The following RAB28 variants were observed in gnomAD, a reference collection of about 807,000 sequenced individuals.
The protein encoded by RAB28 is ras-related protein Rab-28.
A neutral mutation model predicts 31.7 loss-of-function variants in RAB28; 24 were observed. The ratio of observed to expected loss-of-function variants is 0.76; its 90% CI spans 0.55 to 1.06. The LOEUF (loss-of-function observed/expected upper bound fraction) is 1.06. Ranked by LOEUF, RAB28 falls within the 50% of genes least tolerant of loss-of-function variation. The probability of loss-of-function intolerance (pLI) is 0.00; values close to 1 mark genes in which losing one functional copy is unlikely to be tolerated. For missense variants in RAB28, 254 were observed against 258.5 expected (o/e 0.98, Z 0.12); for synonymous variants, 100 against 90.4 (o/e 1.11, Z -0.60).
chr4:13,465,310 G>C (rs1021815897), intron 3 of RAB28, among the ~76,000 whole-genome samples: 1 of 151,122 alleles, frequency 6.6e-6, no homozygotes, highest in Non-Finnish European at 1.5e-5. Flanking sequence ...ACACCAATTT[G>C]GATAAATACC....
chr4:13,417,388 G>C (rs529979491), intron 4 of RAB28, among the ~76,000 whole-genome samples: 6 of 152,190 alleles, frequency 3.9e-5, no homozygotes, highest in Admixed American at 1.3e-4. Context: ...AGAGGGCAGT[G>C]GTTTTCCCAG....
At chr4:13,388,936 T>C (rs111904085) in intron 4 of RAB28, among the ~76,000 whole-genome samples, 3 of 152,088 alleles carry the variant, frequency 2.0e-5, no homozygotes, top group African/African-American at 7.2e-5. Context: ...GATCCAGTAA[T>C]CCAACTTCTG....
intron 4 of RAB28, among the ~76,000 whole-genome samples, chr4:13,407,457 T>C (rs1712165948): frequency 6.6e-6 from 1 of 152,224 alleles, no homozygotes; most frequent in Admixed American, 6.5e-5. Flanking sequence ...TCCAGCTTTG[T>C]TCTGTTTGCT....
At chr4:13,479,406 C>T (rs531189723) in intron 2 of RAB28, 24 bp downstream of exon 2, 8 of 1,509,346 alleles carry the variant, frequency 5.3e-6, no homozygotes, top group East Asian at 2.3e-5. Flanking sequence ...TAATCTTCTA[C>T]GTTAAGACTT....
chr4:13,373,638 C>A (rs1489230443), intron 6 of RAB28, among the ~76,000 whole-genome samples: 1 of 152,138 alleles, frequency 6.6e-6, no homozygotes. Context: ...GCAAAGCTTG[C>A]AAAGTGTGTT....
intron 4 of RAB28, among the ~76,000 whole-genome samples, chr4:13,384,711 C>T (rs188543116): frequency 3.3e-5 from 5 of 152,216 alleles, no homozygotes; most frequent in African/African-American, 9.6e-5. Flanking sequence ...GAAAAAAAGT[C>T]CAAAGATCAG....
chr4:13,469,589 G>A, intron 3 of RAB28, among the ~76,000 whole-genome samples: 1 of 151,970 alleles, frequency 6.6e-6, no homozygotes. Flanking sequence ...ATTATATAAT[G>A]TTAGTTTATA....
intron 4 of RAB28, among the ~76,000 whole-genome samples, chr4:13,416,496 C>T (rs1577191971): frequency 2.0e-5 from 3 of 152,226 alleles, no homozygotes; most frequent in South Asian, 4.1e-4. Flanking sequence ...GTATGTTTAA[C>T]AACATAGCCA....
chr4:13,398,411 G>C (rs918452767), intron 4 of RAB28, among the ~76,000 whole-genome samples: 3 of 151,998 alleles, frequency 2.0e-5, no homozygotes, highest in African/African-American at 7.2e-5. Flanking sequence ...ACATAGAATT[G>C]CATAAAAAAA....
intron 4 of RAB28, among the ~76,000 whole-genome samples, chr4:13,437,828 C>T (rs1038592663): frequency 3.3e-5 from 5 of 151,562 alleles, no homozygotes; most frequent in African/African-American, 1.2e-4. Flanking sequence ...ACCACTCAAC[C>T]CAGCAATCCC....
chr4:13,466,496 A>T (rs2108965137), intron 3 of RAB28, among the ~76,000 whole-genome samples: 1 of 151,920 alleles, frequency 6.6e-6, no homozygotes, highest in East Asian at 1.9e-4. Flanking sequence ...AAAATAAATT[A>T]CCCTCTTATA....
chr4:13,422,297 G>T (rs1713202428), intron 4 of RAB28, among the ~76,000 whole-genome samples: 1 of 152,204 alleles, frequency 6.6e-6, no homozygotes, highest in Non-Finnish European at 1.5e-5. Flanking sequence ...TGCACTGTTG[G>T]TGGGAGTGTA....
At chr4:13,478,077 C>G (rs1342423408) in intron 2 of RAB28, among the ~76,000 whole-genome samples, 1 of 151,460 alleles carries the variant, frequency 6.6e-6, no homozygotes, top group African/African-American at 2.4e-5. Flanking sequence ...GTACAACTGG[C>G]ATCTGTGAAA....
chr4:13,456,624 T>G (rs1043342540), intron 4 of RAB28, among the ~76,000 whole-genome samples: 1 of 152,190 alleles, frequency 6.6e-6, no homozygotes, highest in East Asian at 1.9e-4. Context: ...CAAAGCTCTA[T>G]GACCTCATTA....
At chr4:13,379,722 T>C (rs1404795972) in intron 5 of RAB28, among the ~76,000 whole-genome samples, 2 of 152,216 alleles carry the variant, frequency 1.3e-5, no homozygotes, top group South Asian at 2.1e-4. Context: ...ATGTGATCTG[T>C]AGTATGCAAG....
At chr4:13,428,345 A>G (rs1713625534) in intron 4 of RAB28, among the ~76,000 whole-genome samples, 2 of 152,228 alleles carry the variant, frequency 1.3e-5, no homozygotes, top group South Asian at 4.1e-4. Flanking sequence ...GCCACAAATA[A>G]GTGTCTGCCA....
At chr4:13,482,307 T>A (rs534415887) in intron 1 of RAB28, among the ~76,000 whole-genome samples, 34 of 152,180 alleles carry the variant, frequency 2.2e-4, no homozygotes, top group African/African-American at 7.5e-4. Flanking sequence ...AGACGCAAAA[T>A]TATGAACAAA....
In RAB28 at chr4:13,426,958, G is replaced by T. The variant is rs551628224; in HGVS notation, c.391+33741C>A. ...AAGGCAACTGCCTAATAAAAGTTTG[G>T]TTTGTGTGGGTTATTAATCATCATT... On this transcript the variant is annotated intron_variant, in intron 4 of 6. Coordinates refer to ENST00000330852, the MANE Select transcript of RAB28 (RefSeq NM_001017979.3). 2.0e-5 allele frequency among the ~76,000 whole-genome samples: 3 copies of T among 152,274 alleles called. No homozygotes were observed. The South Asian group carries it at 6.2e-4, about 32-fold the overall frequency.
chr4:13,419,600 C>G (rs1423986884), intron 4 of RAB28, among the ~76,000 whole-genome samples: 1 of 152,218 alleles, frequency 6.6e-6, no homozygotes, highest in Non-Finnish European at 1.5e-5. Context: ...AAGAAACTCA[C>G]TCAAAACCAC....
Sources: allele counts gnomAD v4.1 joint callset (sites outside exome capture counted in the v4.1 genomes callset), GRCh38; gene constraint gnomAD v4.1.1; transcripts MANE v1.5; gene names NCBI Gene and HGNC (gene_info 2026-07-23, HGNC 2026-07-21).